Variants in CCDC138 observed in about 807,000 individuals in gnomAD.
The protein encoded by CCDC138 is coiled-coil domain-containing protein 138.
A neutral mutation model predicts 82.3 loss-of-function variants in CCDC138; 66 were observed. That is an observed-to-expected ratio of 0.80 (90% CI 0.66 to 0.98). The LOEUF (loss-of-function observed/expected upper bound fraction) is 0.98, where lower values mean the gene tolerates loss of function less well. CCDC138 is among the 50% of genes least tolerant of loss of function. The pLI is 0.00. For missense variants in CCDC138, 816 were observed against 758.9 expected (o/e 1.08, Z -0.88); for synonymous variants, 297 against 265.4 (o/e 1.12, Z -1.16).
intron 5 of CCDC138, 47 bp from the exon 6 acceptor site, chr2:108,798,381 G>T (rs371261523): frequency 1.1e-4 from 167 of 1,574,368 alleles, no homozygotes; most frequent in Non-Finnish European, 1.5e-5. Context: ...ATAATTTGCA[G>T]AATTTGTGAC....
chr2:108,884,948 T>C (rs6747767), intron 2 of CCDC138: 110,783 of 152,202 alleles, frequency 0.73, 43,105 homozygotes, highest in East Asian at 0.95. Flanking sequence ...CTTCTGGAAT[T>C]TCCCTGTCTG....
intron 13 of CCDC138, among the ~76,000 whole-genome samples, chr2:108,870,698 CATT>C (rs1695097944): frequency 6.6e-6 from 1 of 152,196 alleles, no homozygotes; most frequent in South Asian, 2.1e-4. Flanking sequence ...ACCTGGAAGA[CATT>C]ATGCTAAATG....
intron 10 of CCDC138, among the ~76,000 whole-genome samples, chr2:108,820,261 A>G (rs1251011822): frequency 6.6e-6 from 1 of 152,186 alleles, no homozygotes; most frequent in Non-Finnish European, 1.5e-5. Context: ...TTCTAACAAA[A>G]TAATAAAATT....
At chr2:108,853,996 TTTATA>T (rs1265407843) in intron 12 of CCDC138, among the ~76,000 whole-genome samples, 1 of 10,382 alleles carries the variant, frequency 9.6e-5, no homozygotes, top group Non-Finnish European at 3.5e-4. Context: ...ATATAATAAA[TTTATA>T]TTATATATAA....
chr2:108,840,806 T>C (rs1689333636), intron 11 of CCDC138, among the ~76,000 whole-genome samples: 1 of 152,006 alleles, frequency 6.6e-6, no homozygotes, highest in Admixed American at 6.6e-5. Flanking sequence ...CTTTTTTTCT[T>C]TTTTTCTTTT....
chr2:108,812,601 T>C (rs1684055340), intron 7 of CCDC138, 30 bp from the exon 8 acceptor site: 2 of 1,547,138 alleles, frequency 1.3e-6, no homozygotes, highest in Non-Finnish European at 1.8e-6. Context: ...AAGGTGTATA[T>C]TGAAATATCT....
intron 10 of CCDC138, among the ~76,000 whole-genome samples, chr2:108,819,453 G>A (rs551222229): frequency 3.3e-4 from 50 of 152,322 alleles, no homozygotes; most frequent in Admixed American, 7.2e-4. Context: ...TGGTAGCATA[G>A]TTTGGAAGCT....
At chr2:108,842,056 G>A (rs544340990) in intron 11 of CCDC138, among the ~76,000 whole-genome samples, 2 of 152,234 alleles carry the variant, frequency 1.3e-5, no homozygotes, top group African/African-American at 4.8e-5. Context: ...TTGAGACAGA[G>A]TCTCACTCTG....
At chr2:108,806,747 TG>T (rs1447040731) in intron 7 of CCDC138, among the ~76,000 whole-genome samples, 1 of 152,228 alleles carries the variant, frequency 6.6e-6, no homozygotes, top group Non-Finnish European at 1.5e-5. Flanking sequence ...GAAAAAGATA[TG>T]TTATTTCTGT....
intron 10 of CCDC138, among the ~76,000 whole-genome samples, chr2:108,823,583 C>T (rs917386509): frequency 3.3e-5 from 5 of 152,226 alleles, no homozygotes; most frequent in Admixed American, 6.5e-5. Flanking sequence ...TCCTGTACAG[C>T]ATTTGCTATG....
At chr2:108,884,851 G>C (rs1464648549) in intron 2 of CCDC138, 1 of 152,194 alleles carries the variant, frequency 6.6e-6, no homozygotes, top group African/African-American at 2.4e-5. Flanking sequence ...AATTGAAGGC[G>C]GGTCTGCCAA....
intron 13 of CCDC138, among the ~76,000 whole-genome samples, chr2:108,871,899 A>G (rs145721816): frequency 1.3e-5 from 2 of 151,964 alleles, no homozygotes; most frequent in African/African-American, 4.8e-5. Flanking sequence ...TATTTTCTCT[A>G]GTTTTACAGT....
At chr2:108,819,462 C>T (rs1685303690) in intron 10 of CCDC138, among the ~76,000 whole-genome samples, 1 of 152,190 alleles carries the variant, frequency 6.6e-6, no homozygotes, top group Admixed American at 6.5e-5. Flanking sequence ...AGTTTGGAAG[C>T]TGCAGGAAAC....
intron 11 of CCDC138, among the ~76,000 whole-genome samples, chr2:108,845,603 G>A (rs867323142): frequency 7.2e-5 from 10 of 139,370 alleles, no homozygotes; most frequent in African/African-American, 2.7e-4. Context: ...ATGGAGTCTC[G>A]CTCTGTCACC....
intron 1 of CCDC138, 80 bp downstream of exon 1, chr2:108,786,995 G>A: frequency 1.0e-6 from 1 of 993,208 alleles, no homozygotes; most frequent in South Asian, 2.6e-5. Flanking sequence ...CAGCCGGCCT[G>A]GGGGCGCGCA....
intron 11 of CCDC138, among the ~76,000 whole-genome samples, chr2:108,843,389 C>T (rs1198672595): frequency 6.6e-6 from 1 of 152,124 alleles, no homozygotes; most frequent in Non-Finnish European, 1.5e-5. Flanking sequence ...AACTCCTGAC[C>T]TCAAGTGATC....
chr2:108,852,282 G>C (rs1039490654), intron 12 of CCDC138, among the ~76,000 whole-genome samples: 14 of 152,162 alleles, frequency 9.2e-5, no homozygotes, highest in African/African-American at 1.7e-4. Flanking sequence ...GGAAAGAAAG[G>C]AACACTTGTA....
Position 108,789,033 on chromosome 2 carries a change from G to A in CCDC138, c.266+67G>A, listed in dbSNP as rs1679457880. The A allele has an allele frequency of 1.9e-6, 3 of 1,557,414 alleles. No homozygotes were observed. The African/African-American group carries it at 4.1e-5, about 21-fold the overall frequency. On this transcript the variant is annotated intron_variant, in intron 3 of 14. Coordinates refer to ENST00000295124, the MANE Select transcript of CCDC138 (RefSeq NM_144978.3). The stretch of plus-strand genomic sequence containing the variant: ...TCTCAAAAAACTGAGAAAGAGAAAA[G>A]GGCAGGTTATATTTTTGCTCTTTCC...
chr2:108,787,121 G>A (rs1678976043), intron 1 of CCDC138, among the ~76,000 whole-genome samples: 1 of 152,192 alleles, frequency 6.6e-6, no homozygotes, highest in East Asian at 1.9e-4. Context: ...CTTCACCTAT[G>A]CCTCTGTGTT....
Sources: gnomAD v4.1 joint callset for allele counts (sites outside exome capture counted in the v4.1 genomes callset) on GRCh38, gnomAD v4.1.1 for gene constraint, MANE v1.5 for transcripts, NCBI Gene and HGNC (gene_info 2026-07-23, HGNC 2026-07-21) for gene names.